ARPC1A: variants seen among roughly 807,000 people sequenced by gnomAD.
The protein encoded by ARPC1A is actin-related protein 2/3 complex subunit 1A.
In ARPC1A, 8 loss-of-function variants were observed where a neutral mutation model predicts 46.9. That is an observed-to-expected ratio of 0.17 (90% CI 0.10 to 0.31). The LOEUF (loss-of-function observed/expected upper bound fraction) is 0.31, where lower values mean the gene tolerates loss of function less well. Among genes scored for constraint, ARPC1A ranks in the 10% least tolerant of loss-of-function variants. The pLI, the probability that ARPC1A is intolerant of heterozygous loss-of-function variation, is 1.00. For missense variants in ARPC1A, 286 were observed against 483.6 expected (o/e 0.59, Z 3.83); for synonymous variants, 152 against 169.0 (o/e 0.90, Z 0.78).
At position 99,359,530 on chromosome 7, in the gene ARPC1A, T is replaced by A. The variant is rs762774546; in HGVS notation, c.790-15T>A. On this transcript the variant is annotated splice_polypyrimidine_tract_variant and intron_variant, in intron 7 of 9. Transcript: ENST00000262942. ...GGCAGTGCATCCTCCAGGGACTGAC[T>A]GAGTCTTGTTTCAGGGCCATGACTG... 14 of 1,613,430 alleles carry A rather than the reference T, an allele frequency of 8.7e-6. No homozygotes were observed. The highest frequency in any genetic ancestry group is 1.2e-5 in the Non-Finnish European group (14 of 1,179,950).
intron 6 of ARPC1A, among the ~76,000 whole-genome samples, chr7:99,357,285 C>A (rs73710442): frequency 2.6e-5 from 4 of 152,268 alleles, no homozygotes; most frequent in African/African-American, 9.6e-5. Flanking sequence ...GCACTAAGGG[C>A]TTAAGATGAC....
chr7:99,358,323 CAT>C lies in ARPC1A; in HGVS notation c.714-16_714-15del, dbSNP rs2150873135. ...TAGTCTGTTGCATCTTGGGATAACA[CAT>C]GTTCTTGTGTTCAGGGTCTCGACTC... is the stretch of plus-strand genomic sequence containing the variant. On this transcript the variant is annotated splice_polypyrimidine_tract_variant and intron_variant, in intron 6 of 9. Coordinates refer to ENST00000262942, the MANE Select transcript of ARPC1A (RefSeq NM_006409.4). 16 of 1,612,704 alleles carry C rather than the reference CAT, an allele frequency of 9.9e-6. No individual in the cohort carries two copies. Among genetic ancestry groups the C allele is most frequent in the Non-Finnish European group, 1.4e-5 (16 of 1,178,778 alleles).
At chr7:99,361,620 G>T (rs141889182) in intron 8 of ARPC1A, among the ~76,000 whole-genome samples, 1 of 151,960 alleles carries the variant, frequency 6.6e-6, no homozygotes, top group Non-Finnish European at 1.5e-5. Context: ...TTTCTCTTAC[G>T]TTTCTATACA....
chr7:99,347,552 A>G (rs1030342408), intron 4 of ARPC1A, among the ~76,000 whole-genome samples: 4 of 151,874 alleles, frequency 2.6e-5, no homozygotes, highest in African/African-American at 9.7e-5. Flanking sequence ...TAAAATTACA[A>G]AAATTAGCCG....
intron 4 of ARPC1A, among the ~76,000 whole-genome samples, chr7:99,347,843 A>G (rs1469753489): frequency 1.3e-5 from 2 of 151,570 alleles, no homozygotes; most frequent in Non-Finnish European, 2.9e-5. Flanking sequence ...AAAAAAAAAA[A>G]AAGAAAGAAA....
rs764069129 is a variant in ARPC1A at position 99,354,103 on chromosome 7, A to G, written c.695A>G (p.Asp232Gly). The change falls in exon 6 of 10, where the codon GAT becomes GGT. Residue 232 changes from aspartate to glycine, a missense_variant. Asp to Gly is a moderately conservative substitution (Grantham distance 94). Transcript: ENST00000262942. ...VSHDSTVSVA[D>G]ASKSVQVSTL... ...CACGACAGCACCGTGTCTGTTGCTG[A>G]TGCCTCAAAAAGTGTGCAGTGAGTA... 6.2e-7 allele frequency: 1 copy of G among 1,613,966 alleles called. No homozygotes were observed. The highest frequency in any genetic ancestry group is 8.5e-7 in the Non-Finnish European group (1 of 1,179,870).
intron 5 of ARPC1A, among the ~76,000 whole-genome samples, chr7:99,353,491 T>TATTTATTC: frequency 6.7e-6 from 1 of 149,680 alleles, no homozygotes; most frequent in South Asian, 2.1e-4. Flanking sequence ...TTTATTTATT[T>TATTTATTC]ATTGAGAAGG....
chr7:99,358,535 A>AATT, intron 7 of ARPC1A, 120 bp downstream of exon 7: 1 of 516,436 alleles, frequency 1.9e-6, no homozygotes, highest in Non-Finnish European at 3.0e-6. Context: ...AACAGAGCTC[A>AATT]CTTTTTTTTT....
intron 2 of ARPC1A, among the ~76,000 whole-genome samples, chr7:99,334,833 C>T (rs954447387): frequency 4.6e-5 from 7 of 151,604 alleles, no homozygotes; most frequent in Non-Finnish European, 7.4e-5. Context: ...ATGCATGCGC[C>T]ACCACACCTG....
intron 7 of ARPC1A, among the ~76,000 whole-genome samples, chr7:99,359,309 G>A (rs1280589619): frequency 6.6e-6 from 1 of 151,908 alleles, no homozygotes; most frequent in African/African-American, 2.4e-5. Flanking sequence ...GGTGGCAGAC[G>A]CCTGTAATCC....
intron 9 of ARPC1A, 25 bp from the exon 10 acceptor site, chr7:99,365,866 C>G (rs761340148): frequency 1.3e-6 from 2 of 1,564,186 alleles, no homozygotes; most frequent in Non-Finnish European, 1.7e-6. Flanking sequence ...TCAGTGACAT[C>G]AGTGCTCTTC....
chr7:99,358,289 A>G (rs1272903802), intron 6 of ARPC1A, 51 bp from the exon 7 acceptor site: 9 of 1,561,752 alleles, frequency 5.8e-6, no homozygotes, highest in Non-Finnish European at 7.9e-6. Context: ...GTGTCTGTAA[A>G]GAAGCTAATA....
chr7:99,330,062 G>GT (rs1164618455), intron 1 of ARPC1A, among the ~76,000 whole-genome samples: 2 of 148,856 alleles, frequency 1.3e-5, no homozygotes, highest in East Asian at 1.9e-4. Context: ...GGAAGTTCTT[G>GT]TAAAAAAAAA....
At chr7:99,358,536 C>CTTTTTTT (rs5886103) in intron 7 of ARPC1A, 121 bp downstream of exon 7, 4 of 319,814 alleles carry the variant, frequency 1.3e-5, no homozygotes, top group Non-Finnish European at 2.2e-5. Flanking sequence ...ACAGAGCTCA[C>CTTTTTTT]TTTTTTTTTT....
intron 8 of ARPC1A, among the ~76,000 whole-genome samples, chr7:99,360,970 G>A (rs1793730613): frequency 6.7e-6 from 1 of 150,130 alleles, no homozygotes; most frequent in Non-Finnish European, 1.5e-5. Flanking sequence ...GGCACCTGGA[G>A]GAGAAATATA....
chr7:99,335,112 G>A (rs1793220008), intron 2 of ARPC1A, among the ~76,000 whole-genome samples: 1 of 152,072 alleles, frequency 6.6e-6, no homozygotes. Flanking sequence ...CCAAAGTGCT[G>A]GGATTACAGG....
chr7:99,353,168 G>GTTATT (rs1469861771), intron 5 of ARPC1A, among the ~76,000 whole-genome samples: 1 of 133,080 alleles, frequency 7.5e-6, no homozygotes, highest in Admixed American at 7.9e-5. Context: ...GTTATGTTAT[G>GTTATT]TTATTTTAGA....
chr7:99,326,235 C>T (rs528187417), intron 1 of ARPC1A, among the ~76,000 whole-genome samples: 2 of 152,304 alleles, frequency 1.3e-5, no homozygotes, highest in East Asian at 3.9e-4. Flanking sequence ...CTCCGATGCC[C>T]GAATTAACGG....
intron 1 of ARPC1A, among the ~76,000 whole-genome samples, chr7:99,327,470 C>T (rs1793066297): frequency 7.0e-6 from 1 of 143,230 alleles, no homozygotes; most frequent in Admixed American, 6.8e-5. Context: ...GCCACTGCGC[C>T]TGGCTAATTT....
Sources: gnomAD v4.1 joint callset for allele counts (sites outside exome capture counted in the v4.1 genomes callset) on GRCh38, gnomAD v4.1.1 for gene constraint, MANE v1.5 for transcripts, NCBI Gene and HGNC (gene_info 2026-07-23, HGNC 2026-07-21) for gene names.